Variants in PRKN observed in about 807,000 individuals in gnomAD.
PRKN encodes the protein E3 ubiquitin-protein ligase parkin.
PRKN carries 56 observed loss-of-function variants against 59.5 expected under a neutral mutation model. The observed-to-expected ratio is 0.94, with a 90% confidence interval of 0.76 to 1.18. The LOEUF (loss-of-function observed/expected upper bound fraction) is 1.18, where lower values mean the gene tolerates loss of function less well. Among genes scored for constraint, PRKN ranks in the 50% most tolerant of loss-of-function variants. The probability of loss-of-function intolerance (pLI) is 0.00; values close to 1 mark genes in which losing one functional copy is unlikely to be tolerated. For missense variants in PRKN, 657 were observed against 596.4 expected, an observed-to-expected ratio of 1.10 and a Z score of -1.06; for synonymous variants, 250 against 222.1, an observed-to-expected ratio of 1.13 and a Z score of -1.12.
At chr6:161,767,909 A>G (rs1372932366) in intron 7 of PRKN, among the ~76,000 whole-genome samples, 1 of 152,140 alleles carries the variant, frequency 6.6e-6, no homozygotes, top group Non-Finnish European at 1.5e-5. Context: ...TATCCATGTT[A>G]TCTGGCTTTA....
chr6:161,640,324 T>C (rs1420231952), intron 7 of PRKN, among the ~76,000 whole-genome samples: 1 of 152,160 alleles, frequency 6.6e-6, no homozygotes, highest in Non-Finnish European at 1.5e-5. Context: ...TTCTAAAACA[T>C]ATACAGATAA....
At chr6:161,873,626 A>AAAC (rs879871470) in intron 6 of PRKN, among the ~76,000 whole-genome samples, 23 of 151,856 alleles carry the variant, frequency 1.5e-4, no homozygotes, top group Non-Finnish European at 2.9e-4. Flanking sequence ...TACAAAATTA[A>AAAC]AACAACAACA....
intron 9 of PRKN, among the ~76,000 whole-genome samples, chr6:161,481,933 AG>A (rs1791420454): frequency 6.7e-6 from 1 of 149,264 alleles, no homozygotes; most frequent in Non-Finnish European, 1.5e-5. Context: ...GGAAGCCAAA[AG>A]AAACAAGGAT....
chr6:162,475,885 G>C (rs556072659), intron 1 of PRKN, among the ~76,000 whole-genome samples: 1 of 151,924 alleles, frequency 6.6e-6, no homozygotes, highest in African/African-American at 2.4e-5. Flanking sequence ...CCAAGTAGCT[G>C]GGATTACAGG....
chr6:162,570,820 G>C (rs117076984), intron 1 of PRKN, among the ~76,000 whole-genome samples: 2,945 of 152,296 alleles, frequency 0.019, 42 homozygotes, highest in Non-Finnish European at 0.031. Context: ...TGGGAAGGTA[G>C]AGGGAGGATG....
chr6:161,904,616 C>A (rs977338302), intron 6 of PRKN, among the ~76,000 whole-genome samples: 2 of 152,102 alleles, frequency 1.3e-5, no homozygotes, highest in Non-Finnish European at 2.9e-5. Flanking sequence ...CACCCGACCT[C>A]AAATTTGTTT....
chr6:161,801,723 C>T (rs1331682700), intron 6 of PRKN, among the ~76,000 whole-genome samples: 1 of 152,092 alleles, frequency 6.6e-6, no homozygotes, highest in Non-Finnish European at 1.5e-5. Flanking sequence ...CTTTCTTCCC[C>T]ACAGTCAAGA....
chr6:161,657,920 G>T (rs1253376600), intron 7 of PRKN, among the ~76,000 whole-genome samples: 1 of 150,436 alleles, frequency 6.6e-6, no homozygotes, highest in Non-Finnish European at 1.5e-5. Context: ...GGAGGCTGAG[G>T]CAGGAGAATC....
intron 5 of PRKN, among the ~76,000 whole-genome samples, chr6:162,009,421 T>C (rs902404167): frequency 1.3e-5 from 2 of 151,794 alleles, no homozygotes; most frequent in Non-Finnish European, 2.9e-5. Context: ...AACACCTACA[T>C]GACAATTTCA....
intron 2 of PRKN, among the ~76,000 whole-genome samples, chr6:162,423,693 A>G (rs1789088528): frequency 6.6e-6 from 1 of 152,210 alleles, no homozygotes; most frequent in Admixed American, 6.5e-5. Flanking sequence ...ACTGGTCGTC[A>G]TCAGAAATTG....
At chr6:161,450,687 G>T (rs1789692675) in intron 9 of PRKN, among the ~76,000 whole-genome samples, 1 of 152,096 alleles carries the variant, frequency 6.6e-6, no homozygotes, top group South Asian at 2.1e-4. Flanking sequence ...CTCCCGAGCA[G>T]CTGGGACTAC....
intron 2 of PRKN, among the ~76,000 whole-genome samples, chr6:162,302,630 G>C (rs1208945456): frequency 1.3e-5 from 2 of 151,984 alleles, no homozygotes; most frequent in Non-Finnish European, 2.9e-5. Flanking sequence ...ATGACCCCAA[G>C]CTCCTAATGA....
At chr6:162,546,094 T>C (rs891803700) in intron 1 of PRKN, among the ~76,000 whole-genome samples, 4 of 149,124 alleles carry the variant, frequency 2.7e-5, no homozygotes, top group Non-Finnish European at 4.4e-5. Flanking sequence ...TGTAAAAGTG[T>C]ATGCAGTTTT....
At chr6:161,876,644 A>G (rs534402987) in intron 6 of PRKN, among the ~76,000 whole-genome samples, 6 of 152,300 alleles carry the variant, frequency 3.9e-5, no homozygotes, top group Admixed American at 3.3e-4. Flanking sequence ...AAAAGTGTGT[A>G]GTGTCATCCA....
chr6:162,139,721 A>C (rs1402947188), intron 4 of PRKN, among the ~76,000 whole-genome samples: 2 of 152,188 alleles, frequency 1.3e-5, no homozygotes, highest in African/African-American at 4.8e-5. Flanking sequence ...AGAGGACATG[A>C]GTAAAAAGTA....
In PRKN at chr6:161,358,261, C is replaced by T. The variant is rs569099908; in HGVS notation, c.1285+1827G>A. On this transcript the variant is annotated intron_variant, in intron 11 of 11. Coordinates refer to ENST00000366898, the MANE Select transcript of PRKN (RefSeq NM_004562.3). ...GCCAAAGTGGTTTCCAGAAAAGTTACGCTAACTTATGATGTCCTCACCAAC... is the reference window on the plus strand; with the variant it reads ...GCCAAAGTGGTTTCCAGAAAAGTTATGCTAACTTATGATGTCCTCACCAAC... Among the ~76,000 whole-genome samples the T allele has an allele frequency of 7.2e-5, 11 of 152,064 alleles. No homozygotes were observed. In the East Asian group the frequency reaches 2.1e-3, roughly 29 times the overall value.
At position 161,619,851 on chromosome 6, in the gene PRKN, T is replaced by C. The variant is rs1028515873; in HGVS notation, c.872-50435A>G. The stretch of plus-strand genomic sequence containing the variant: ...AGTATCTCAATAATTTTTACATCGA[T>C]TACATGTTAAAATTATAATATTTTG... On this transcript the variant is annotated intron_variant, in intron 7 of 11. Transcript: ENST00000366898. Among the ~76,000 whole-genome samples the C allele has an allele frequency of 9.2e-5, 14 of 152,268 alleles. No individual in the cohort carries two copies. The South Asian group carries it at 2.9e-3, about 32-fold the overall frequency.
intron 7 of PRKN, among the ~76,000 whole-genome samples, chr6:161,722,262 A>G (rs1324352626): frequency 6.6e-6 from 1 of 152,128 alleles, no homozygotes; most frequent in African/African-American, 2.4e-5. Context: ...AAATATCATA[A>G]TATTTTTGTG....
At chr6:161,677,422 T>C (rs1785128271) in intron 7 of PRKN, among the ~76,000 whole-genome samples, 1 of 152,226 alleles carries the variant, frequency 6.6e-6, no homozygotes, top group Non-Finnish European at 1.5e-5. Context: ...TCTGATGAGC[T>C]AGAACTGAGT....
Sources: allele counts gnomAD v4.1 joint callset (sites outside exome capture counted in the v4.1 genomes callset), GRCh38; gene constraint gnomAD v4.1.1; transcripts MANE v1.5; gene names NCBI Gene and HGNC (gene_info 2026-07-23, HGNC 2026-07-21).